The following TENM3 variants were observed in gnomAD, a reference collection of about 807,000 sequenced individuals.
TENM3 encodes the protein teneurin transmembrane protein 3.
TENM3 carries 63 observed loss-of-function variants against 255.1 expected under a neutral mutation model. The observed-to-expected ratio is 0.25, with a 90% CI of 0.20 to 0.30. The LOEUF is 0.30. Ranked by LOEUF, TENM3 falls within the 10% of genes least tolerant of loss-of-function variation. The probability of loss-of-function intolerance (pLI) is 1.00; values close to 1 mark genes in which losing one functional copy is unlikely to be tolerated. For missense variants in TENM3, 2,929 were observed against 3,461.1 expected, an observed-to-expected ratio of 0.85 and a Z score of 3.86; for synonymous variants, 1,306 against 1,322.3, an observed-to-expected ratio of 0.99 and a Z score of 0.27.
intron 3 of TENM3, among the ~76,000 whole-genome samples, chr4:182,465,451 C>CA (rs1457171970): frequency 6.6e-6 from 1 of 152,100 alleles, no homozygotes; most frequent in Admixed American, 6.5e-5. Context: ...CCTTAGTAGA[C>CA]ACTGAATCTC....
At chr4:181,880,292 A>T in the TENM3 span, among the ~76,000 whole-genome samples, 3 of 152,224 alleles carry the variant, frequency 2.0e-5, no homozygotes, top group Non-Finnish European at 4.4e-5. Flanking sequence ...TTAGAAATAT[A>T]TGTTAGATTA....
rs1298531827 is a variant in TENM3 at position 182,230,819 on chromosome 4, T to TAC, written c.-76+86066_-76+86067insCA. Among the ~76,000 whole-genome samples, 17 of 66,956 alleles carry TAC rather than the reference T, an allele frequency of 2.5e-4. No individual in the cohort carries two copies. In the East Asian group the frequency reaches 7.7e-3, roughly 30 times the overall value. The allele number at this position is 66,956 out of a possible 152,430, so 43.9% of individuals were successfully genotyped here. Reference sequence around the variant, plus strand: ...TAAATACAGTTTCTCAAACTATATATATATATATATATATATATATATATA... The same window carrying TAC: ...TAAATACAGTTTCTCAAACTATATATACATATATATATATATATATATATATA... On this transcript the variant is annotated intron_variant, in intron 1 of 2. Coordinates refer to the TENM3 transcript ENST00000512480.
At chr4:181,595,201 C>T in the TENM3 span, among the ~76,000 whole-genome samples, 1,049 of 152,028 alleles carry the variant, frequency 6.9e-3, 8 homozygotes, top group Non-Finnish European at 0.012. Flanking sequence ...GAGGCTGAGG[C>T]GGACAGATTG....
chr4:182,419,821 G>A (rs1363574811), intron 3 of TENM3, among the ~76,000 whole-genome samples: 7 of 149,052 alleles, frequency 4.7e-5, no homozygotes, highest in African/African-American at 1.7e-4. Context: ...ACTGAACAAT[G>A]AGAACACTTG....
chr4:182,339,256 A>G (rs888448702), intron 2 of TENM3, among the ~76,000 whole-genome samples: 3 of 152,264 alleles, frequency 2.0e-5, no homozygotes, highest in Admixed American at 6.5e-5. Context: ...TGATTCATTT[A>G]GAGATCAAAA....
intron 1 of TENM3, among the ~76,000 whole-genome samples, chr4:182,169,982 C>A (rs958063935): frequency 1.3e-5 from 2 of 151,178 alleles, no homozygotes; most frequent in Admixed American, 1.3e-4. Flanking sequence ...TTGTGAATGA[C>A]AAATTTAAGT....
At chr4:182,160,422 G>A (rs572873327) in intron 1 of TENM3, among the ~76,000 whole-genome samples, 2 of 152,254 alleles carry the variant, frequency 1.3e-5, no homozygotes, top group South Asian at 4.1e-4. Context: ...AATGTCTATG[G>A]AAATGTTGTG....
the TENM3 span, among the ~76,000 whole-genome samples, chr4:181,814,328 A>G: frequency 6.6e-6 from 1 of 152,206 alleles, no homozygotes; most frequent in Non-Finnish European, 1.5e-5. Flanking sequence ...CAAACAAAAA[A>G]TAGTAGCCAT....
chr4:182,205,474 C>T (rs1247521633), intron 1 of TENM3, among the ~76,000 whole-genome samples: 4 of 152,208 alleles, frequency 2.6e-5, no homozygotes, highest in Non-Finnish European at 5.9e-5. Flanking sequence ...GCCTTGGAGC[C>T]TGGCTCTTGA....
the TENM3 span, among the ~76,000 whole-genome samples, chr4:181,591,071 T>G: frequency 7.9e-5 from 12 of 152,384 alleles, no homozygotes; most frequent in African/African-American, 2.9e-4. Context: ...AACCTTTGGT[T>G]AATCTGCATT....
rs1491166253 is a variant in TENM3, at chr4:182,161,864, T to TATATATACAC, written c.-76+17116_-76+17117insACACATATAT. 3.4e-4 allele frequency among the ~76,000 whole-genome samples: 8 copies of TATATATACAC among 23,464 alleles called. 1 individual carries two copies. The highest frequency in any genetic ancestry group is 6.5e-4 in the African/African-American group (7 of 10,792). 15.4% of individuals were successfully genotyped at this position (23,464 alleles called of 152,430 possible). A position where few individuals can be genotyped will look rare whatever the true frequency, so the allele number is the denominator to read the frequency against. The stretch of plus-strand genomic sequence containing the variant: ...GTATATATACACAAATATATATGTG[T>TATATATACAC]ATATATGTGTATATATATACACACA... On this transcript the variant is annotated intron_variant, in intron 1 of 2. Transcript: ENST00000512480.
chr4:181,767,268 A>G, the TENM3 span, among the ~76,000 whole-genome samples: 2,217 of 149,996 alleles, frequency 0.015, 66 homozygotes, highest in African/African-American at 0.052. Context: ...AAAAAAAAAA[A>G]AAAGAAAGAA....
At chr4:181,877,980 G>A in the TENM3 span, among the ~76,000 whole-genome samples, 163 of 152,272 alleles carry the variant, frequency 1.1e-3, no homozygotes, top group African/African-American at 3.8e-3. Flanking sequence ...TGCTAAACAT[G>A]TTTAAGGTTC....
chr4:181,709,620 G>A, the TENM3 span, among the ~76,000 whole-genome samples: 1 of 152,248 alleles, frequency 6.6e-6, no homozygotes, highest in Non-Finnish European at 1.5e-5. Context: ...AACAAATTGA[G>A]ATCAGAAGGG....
chr4:182,285,278 T>G (rs1191429882), intron 1 of TENM3, among the ~76,000 whole-genome samples: 3 of 152,070 alleles, frequency 2.0e-5, no homozygotes, highest in Non-Finnish European at 1.5e-5. Flanking sequence ...GGCAGTTTGG[T>G]GAGCATGCTA....
At chr4:181,631,346 A>G in the TENM3 span, among the ~76,000 whole-genome samples, 2 of 151,790 alleles carry the variant, frequency 1.3e-5, no homozygotes, top group South Asian at 2.1e-4. Context: ...CAGGAGTGCA[A>G]TGGCACAATC....
At chr4:182,338,785 AT>A (rs572299108) in intron 2 of TENM3, among the ~76,000 whole-genome samples, 55 of 151,622 alleles carry the variant, frequency 3.6e-4, no homozygotes, top group Non-Finnish European at 1.5e-4. Flanking sequence ...ATTTATTTGT[AT>A]TTTTTTTGCA....
chr4:181,634,236 G>A, the TENM3 span, among the ~76,000 whole-genome samples: 3 of 152,138 alleles, frequency 2.0e-5, no homozygotes, highest in South Asian at 4.2e-4. Flanking sequence ...GTAAACATTT[G>A]CCATTTGCTC....
chr4:181,813,723 C>T, the TENM3 span, among the ~76,000 whole-genome samples: 3 of 152,046 alleles, frequency 2.0e-5, no homozygotes, highest in Admixed American at 6.6e-5. Flanking sequence ...TCAGTGTCGC[C>T]TCTGAGGGAG....
Sources: allele counts gnomAD v4.1 joint callset (sites outside exome capture counted in the v4.1 genomes callset), GRCh38; gene constraint gnomAD v4.1.1; transcripts MANE v1.5; gene names NCBI Gene and HGNC (gene_info 2026-07-23, HGNC 2026-07-21).